LARP1B: variants seen among roughly 807,000 people sequenced by gnomAD.
LARP1B encodes La ribonucleoprotein 1B.
In LARP1B, 76 loss-of-function variants were observed where a neutral mutation model predicts 114.2. The observed-to-expected ratio is 0.67, with a 90% CI of 0.55 to 0.81. LARP1B has a LOEUF of 0.81. Ranked by LOEUF, LARP1B falls within the 30% of genes least tolerant of loss-of-function variation. The probability of loss-of-function intolerance (pLI) is 0.00; values close to 1 mark genes in which losing one functional copy is unlikely to be tolerated. For synonymous variants in LARP1B, 345 were observed against 348.0 expected, an observed-to-expected ratio of 0.99 and a Z score of 0.10; for missense variants, 1,014 against 1,075.8, an observed-to-expected ratio of 0.94 and a Z score of 0.80.
intron 7 of LARP1B, among the ~76,000 whole-genome samples, chr4:128,092,565 C>T (rs1048825185): frequency 6.6e-6 from 1 of 152,054 alleles, no homozygotes; most frequent in African/African-American, 2.4e-5. Flanking sequence ...TTTTTCTCTC[C>T]TTACAAGGTG....
intron 11 of LARP1B, among the ~76,000 whole-genome samples, chr4:128,150,459 A>AT (rs1464484455): frequency 6.6e-6 from 1 of 151,884 alleles, no homozygotes; most frequent in Non-Finnish European, 1.5e-5. Flanking sequence ...CACCTGACTA[A>AT]TTTTTTACTT....
At chr4:128,123,613 T>C in intron 11 of LARP1B, 1 of 455,966 alleles carries the variant, frequency 2.2e-6, no homozygotes, top group Non-Finnish European at 2.9e-6. Flanking sequence ...TGTTCATTAC[T>C]ATTGTATTTC....
chr4:128,063,772 TCCG>T (rs1432949956), intron 1 of LARP1B, among the ~76,000 whole-genome samples: 1 of 151,590 alleles, frequency 6.6e-6, no homozygotes, highest in East Asian at 1.9e-4. Context: ...GGAGCGAAAC[TCCG>T]TCTCAAAAAA....
At chr4:128,073,572 GTTTTTTTTTTT>G (rs568197117) in intron 1 of LARP1B, among the ~76,000 whole-genome samples, 3 of 39,994 alleles carry the variant, frequency 7.5e-5, no homozygotes, top group African/African-American at 1.8e-4. Flanking sequence ...TATTGTTGTC[GTTTTTTTTTTT>G]TTTTTTTTTT....
intron 10 of LARP1B, among the ~76,000 whole-genome samples, chr4:128,121,314 C>T (rs1455197790): frequency 6.6e-6 from 1 of 152,144 alleles, no homozygotes; most frequent in Non-Finnish European, 1.5e-5. Context: ...GTCTATCTAT[C>T]TATCTATCTA....
At chr4:128,163,932 A>G (rs1363642324) in intron 12 of LARP1B, among the ~76,000 whole-genome samples, 11 of 152,130 alleles carry the variant, frequency 7.2e-5, no homozygotes, top group Non-Finnish European at 1.0e-4. Context: ...CTTTGTCAGT[A>G]CCGGATCTGC....
intron 7 of LARP1B, chr4:128,093,122 G>A (rs1469111008): frequency 1.2e-6 from 1 of 835,498 alleles, no homozygotes; most frequent in African/African-American, 1.8e-5. Flanking sequence ...CTAGCAGTAG[G>A]GATTTTGGCA....
intron 11 of LARP1B, among the ~76,000 whole-genome samples, chr4:128,132,756 TG>T (rs1791976485): frequency 6.6e-6 from 1 of 152,184 alleles, no homozygotes; most frequent in East Asian, 1.9e-4. Flanking sequence ...TTCTGTGGAC[TG>T]GGGGGCATGG....
chr4:128,171,182 G>T (rs1175616672), intron 12 of LARP1B, among the ~76,000 whole-genome samples: 1 of 151,850 alleles, frequency 6.6e-6, no homozygotes, highest in Non-Finnish European at 1.5e-5. Context: ...AGGCTGGAGT[G>T]CAGTGGTCTA....
At chr4:128,164,912 G>A (rs914413660) in intron 12 of LARP1B, among the ~76,000 whole-genome samples, 5 of 152,004 alleles carry the variant, frequency 3.3e-5, no homozygotes, top group African/African-American at 1.2e-4. Context: ...GGAAAAATAG[G>A]CAGCAGTGGA....
chr4:128,128,364 T>A (rs747650911), intron 11 of LARP1B, among the ~76,000 whole-genome samples: 2 of 152,074 alleles, frequency 1.3e-5, no homozygotes, highest in Non-Finnish European at 2.9e-5. Flanking sequence ...TATGTTGGGG[T>A]TACATGCTTA....
chr4:128,138,902 C>A (rs1726637771), intron 11 of LARP1B, among the ~76,000 whole-genome samples: 1 of 151,924 alleles, frequency 6.6e-6, no homozygotes, highest in African/African-American at 2.4e-5. Flanking sequence ...TGCATTGAGC[C>A]GAGATCATGC....
intron 17 of LARP1B, among the ~76,000 whole-genome samples, chr4:128,201,373 A>G (rs1284040791): frequency 1.3e-5 from 2 of 152,150 alleles, no homozygotes; most frequent in African/African-American, 4.8e-5. Flanking sequence ...TGCTCCCACC[A>G]TTACAGACTT....
intron 7 of LARP1B, among the ~76,000 whole-genome samples, chr4:128,092,318 TG>T: frequency 6.6e-6 from 1 of 152,272 alleles, no homozygotes; most frequent in Non-Finnish European, 1.5e-5. Flanking sequence ...CACAATTAAA[TG>T]GGGACTACCT....
chr4:128,197,435 C>T (rs1391760453), intron 15 of LARP1B, among the ~76,000 whole-genome samples: 1 of 152,178 alleles, frequency 6.6e-6, no homozygotes, highest in Non-Finnish European at 1.5e-5. Flanking sequence ...GTAGCTTACG[C>T]CTGTAATCCC....
chr4:128,069,567 A>G, intron 1 of LARP1B: 3 of 737,620 alleles, frequency 4.1e-6, no homozygotes, highest in Non-Finnish European at 7.4e-6. Flanking sequence ...TCTCAGAAGA[A>G]AGTGCATTTT....
intron 12 of LARP1B, among the ~76,000 whole-genome samples, chr4:128,173,424 C>T (rs1034958072): frequency 1.3e-5 from 2 of 152,256 alleles, no homozygotes; most frequent in Admixed American, 1.3e-4. Context: ...AGTGCCAGTT[C>T]TCATGTAGCA....
At chr4:128,098,456 C>T (rs1561197596) in intron 8 of LARP1B, 126 bp downstream of exon 8, 1 of 683,164 alleles carries the variant, frequency 1.5e-6, no homozygotes, top group African/African-American at 1.8e-5. Context: ...GACAGCATTC[C>T]ATGATGTTTT....
At chr4:128,076,741 T>TGC (rs1275811244) in intron 3 of LARP1B, among the ~76,000 whole-genome samples, 1 of 152,146 alleles carries the variant, frequency 6.6e-6, no homozygotes, top group Admixed American at 6.6e-5. Flanking sequence ...TGTGTGTGTG[T>TGC]GTGAGACCGG....
Sources: gnomAD v4.1 joint callset for allele counts (sites outside exome capture counted in the v4.1 genomes callset) on GRCh38, gnomAD v4.1.1 for gene constraint, MANE v1.5 for transcripts, NCBI Gene and HGNC (gene_info 2026-07-23, HGNC 2026-07-21) for gene names.